The following CAPRIN1 variants were observed in gnomAD, a reference collection of about 807,000 sequenced individuals.
CAPRIN1 encodes cell cycle associated protein 1, also known as caprin-1.
Under a neutral mutation model 100.9 loss-of-function variants are expected in CAPRIN1, and 29 were observed. The observed-to-expected ratio is 0.29, with a 90% confidence interval of 0.21 to 0.39. The LOEUF is 0.39. Among genes scored for constraint, CAPRIN1 ranks in the 10% least tolerant of loss-of-function variants. The pLI is 1.00. For synonymous variants in CAPRIN1, 338 were observed against 307.5 expected (o/e 1.10, Z -1.04); for missense variants, 795 against 876.7 (o/e 0.91, Z 1.18).
At chr11:34,053,067 G>C (rs983275919) in intron 2 of CAPRIN1, 1 of 1,029,802 alleles carries the variant, frequency 9.7e-7, no homozygotes, top group African/African-American at 1.7e-5. Flanking sequence ...CCGCCTCGTG[G>C]AGTTGGGGCG....
At chr11:34,098,833 T>C (rs1851410185) in intron 18 of CAPRIN1, 3 of 985,010 alleles carry the variant, frequency 3.0e-6, no homozygotes, top group Non-Finnish European at 2.4e-6. Context: ...TTATGTAGTT[T>C]CTTTTTAACA....
At chr11:34,061,407 C>T (rs1850577465) in intron 2 of CAPRIN1, among the ~76,000 whole-genome samples, 1 of 151,736 alleles carries the variant, frequency 6.6e-6, no homozygotes, top group South Asian at 2.1e-4. Flanking sequence ...CAGGTTTCAT[C>T]ATGTTGCCCA....
chr11:34,091,129 C>T (rs564948286), intron 14 of CAPRIN1, among the ~76,000 whole-genome samples: 1 of 152,228 alleles, frequency 6.6e-6, no homozygotes, highest in African/African-American at 2.4e-5. Flanking sequence ...ATACTATAAT[C>T]TGTGGGGTGC....
intron 11 of CAPRIN1, among the ~76,000 whole-genome samples, chr11:34,088,852 AC>A (rs1851201738): frequency 6.6e-6 from 1 of 152,208 alleles, no homozygotes. Context: ...GTGAAAGTAA[AC>A]TATTAAATAA....
chr11:34,052,322 T>C, intron 1 of CAPRIN1, 99 bp from the exon 2 acceptor site: 1 of 1,010,330 alleles, frequency 9.9e-7, no homozygotes, highest in Non-Finnish European at 1.5e-6. Flanking sequence ...AGGCTACCGC[T>C]CGCTGCGCGT....
chr11:34,066,554 G>A (rs976487221), intron 2 of CAPRIN1, among the ~76,000 whole-genome samples: 1 of 150,418 alleles, frequency 6.6e-6, no homozygotes, highest in South Asian at 2.1e-4. Flanking sequence ...GGCTGGTCTC[G>A]AACTCCTGAC....
intron 2 of CAPRIN1, among the ~76,000 whole-genome samples, chr11:34,066,003 T>C (rs1282891257): frequency 3.3e-5 from 5 of 152,224 alleles, no homozygotes; most frequent in Admixed American, 2.0e-4. Flanking sequence ...TTTCTTTTGA[T>C]CTCACTCTTG....
chr11:34,067,245 A>G (rs1441161811), intron 2 of CAPRIN1, among the ~76,000 whole-genome samples: 3 of 151,918 alleles, frequency 2.0e-5, no homozygotes, highest in Non-Finnish European at 1.5e-5. Context: ...CCTTTGATTT[A>G]CTACATTTTT....
At chr11:34,055,493 A>G in intron 2 of CAPRIN1, among the ~76,000 whole-genome samples, 1 of 151,974 alleles carries the variant, frequency 6.6e-6, no homozygotes, top group East Asian at 1.9e-4. Context: ...ACGCCCAACT[A>G]ATTTTTGTAT....
At chr11:34,052,351 C>A in intron 1 of CAPRIN1, 70 bp from the exon 2 acceptor site, 1 of 1,263,850 alleles carries the variant, frequency 7.9e-7, no homozygotes, top group Non-Finnish European at 1.1e-6. Flanking sequence ...GCGTCTCGCC[C>A]CGTCCGTCTC....
chr11:34,068,611 G>A (rs1850746525), intron 2 of CAPRIN1, among the ~76,000 whole-genome samples: 1 of 152,204 alleles, frequency 6.6e-6, no homozygotes, highest in African/African-American at 2.4e-5. Context: ...ATTGGTGAGA[G>A]TCCTAACAAT....
rs1004852783 is a variant in CAPRIN1, at chr11:34,099,412, A to C, written c.*45A>C. On this transcript the variant is annotated 3_prime_UTR_variant, in exon 19 of 19. Coordinates refer to ENST00000341394, the MANE Select transcript of CAPRIN1 (RefSeq NM_005898.5). The stretch of plus-strand genomic sequence containing the variant: ...TTTAATCGCCAAAAACACACTGGCC[A>C]GTGTACCATAATATGTTACCAGAAG... 1.4e-6 allele frequency: 2 copies of C among 1,455,654 alleles called. No homozygotes were observed. The highest frequency in any genetic ancestry group is 1.9e-6 in the Non-Finnish European group (2 of 1,036,082). The allele number at this position is 1,455,654 out of a possible 1,614,324, so 90.2% of individuals were successfully genotyped here. A position where few individuals can be genotyped will look rare whatever the true frequency, so the allele number is the denominator to read the frequency against.
In CAPRIN1 at chr11:34,059,981, A is replaced by G. The variant is rs143864128; in HGVS notation, c.216+7345A>G. ...GAGGCTGAGGCAGGTGGATCACCTG[A>G]GGTCAGGAGTTCGAGACCAGCCTGG... is the stretch of plus-strand genomic sequence containing the variant. On this transcript the variant is annotated intron_variant, in intron 2 of 18. Transcript: ENST00000341394. 7.7e-3 allele frequency among the ~76,000 whole-genome samples: 1,141 copies of G among 148,008 alleles called. 13 individuals are homozygous for G. Among genetic ancestry groups the G allele is most frequent in the African/African-American group, 0.026 (1,054 of 40,016 alleles).
At position 34,092,106 on chromosome 11, in the gene CAPRIN1, AT is replaced by A. The variant is rs1258462957; in HGVS notation, c.1705+52del. ...TGGCTCCTTGCTTTCCAGCACAGTT[AT>A]TGACAGTGTTAGGACAGTTTAGACT... On this transcript the variant is annotated intron_variant, in intron 15 of 18. Transcript: ENST00000341394. 3 of 1,590,476 alleles carry A rather than the reference AT, an allele frequency of 1.9e-6. No homozygotes were observed. The Admixed American group carries it at 5.2e-5, about 28-fold the overall frequency.
intron 2 of CAPRIN1, among the ~76,000 whole-genome samples, chr11:34,055,338 T>C (rs1850427352): frequency 1.3e-5 from 2 of 151,814 alleles, no homozygotes; most frequent in African/African-American, 2.4e-5. Flanking sequence ...AATTTTTTTT[T>C]CTTTGAGAAG....
intron 18 of CAPRIN1, 133 bp downstream of exon 18, chr11:34,097,894 C>T: frequency 6.9e-7 from 1 of 1,448,910 alleles, no homozygotes; most frequent in Non-Finnish European, 9.1e-7. Context: ...AAATGAAATG[C>T]TCTGTTTCTA....
chr11:34,086,301 G>A lies in CAPRIN1; in HGVS notation c.1123-4G>A. 6.2e-7 allele frequency: 1 copy of A among 1,609,890 alleles called. No individual in the cohort carries two copies. The highest frequency in any genetic ancestry group is 8.5e-7 in the Non-Finnish European group (1 of 1,176,478). ...ACTTTATTCTATCCTAACTTAACCT[G>A]TAGGATTCAATGCTGGATTTTGAAA... On this transcript the variant is annotated splice_polypyrimidine_tract_variant and splice_region_variant and intron_variant, in intron 10 of 18. Transcript: ENST00000341394.
chr11:34,079,921 T>G (rs1440596997), intron 7 of CAPRIN1, among the ~76,000 whole-genome samples, 156 bp downstream of exon 7: 64 of 3,410 alleles, frequency 0.019, no homozygotes, highest in African/African-American at 0.037. Context: ...TTTTTTTTTT[T>G]TTTTTTTTTT....
At chr11:34,095,413 G>T (rs1382410303) in intron 15 of CAPRIN1, among the ~76,000 whole-genome samples, 2 of 152,212 alleles carry the variant, frequency 1.3e-5, no homozygotes, top group Non-Finnish European at 2.9e-5. Flanking sequence ...GATGTAGTTG[G>T]TTTACTAAGT....
Sources: gnomAD v4.1 joint callset for allele counts (sites outside exome capture counted in the v4.1 genomes callset) on GRCh38, gnomAD v4.1.1 for gene constraint, MANE v1.5 for transcripts, NCBI Gene and HGNC (gene_info 2026-07-23, HGNC 2026-07-21) for gene names.